Variants in CDH20 observed in about 807,000 individuals in gnomAD.
The protein encoded by CDH20 is cadherin 20, also known as cadherin-20.
Under a neutral mutation model 74.2 loss-of-function variants are expected in CDH20, and 29 were observed. That is an observed-to-expected ratio of 0.39 (90% CI 0.29 to 0.53). The LOEUF (loss-of-function observed/expected upper bound fraction) is 0.53, where lower values mean the gene tolerates loss of function less well. Ranked by LOEUF, CDH20 falls within the 20% of genes least tolerant of loss-of-function variation. CDH20 has a pLI of 0.69. For missense variants in CDH20, 988 were observed against 1,048.3 expected, an observed-to-expected ratio of 0.94 and a Z score of 0.79; for synonymous variants, 469 against 405.4, an observed-to-expected ratio of 1.16 and a Z score of -1.88.
intron 7 of CDH20, among the ~76,000 whole-genome samples, chr18:61,532,924 G>T (rs1912696473): frequency 6.6e-6 from 1 of 152,216 alleles, no homozygotes; most frequent in East Asian, 1.9e-4. Flanking sequence ...AAACACAGTA[G>T]TTATAACTCC....
At position 61,538,606 on chromosome 18, in the gene CDH20, TTG is replaced by T. The variant is rs1491081782; in HGVS notation, c.1409-416_1409-415del. Among the ~76,000 whole-genome samples, 129 of 44,390 alleles carry T rather than the reference TTG, an allele frequency of 2.9e-3. 7 individuals carry two copies. Among genetic ancestry groups the T allele is most frequent in the South Asian group, 6.4e-3 (5 of 780 alleles). The allele number at this position is 44,390 out of a possible 152,430, so 29.1% of individuals were successfully genotyped here. ...TTTGTTTGTTTGTTTGTTTTTGTTT[TTG>T]TTTTTGTTTTTGTTTTGTTTTTTTT... On this transcript the variant is annotated intron_variant, in intron 8 of 11. Transcript: ENST00000262717.
At chr18:61,411,776 A>T (rs923496131) in intron 1 of CDH20, among the ~76,000 whole-genome samples, 3 of 152,094 alleles carry the variant, frequency 2.0e-5, no homozygotes, top group African/African-American at 7.2e-5. Flanking sequence ...ACCAAATATC[A>T]TATGTGGGAA....
intron 10 of CDH20, among the ~76,000 whole-genome samples, chr18:61,547,289 C>T (rs951519851): frequency 2.0e-5 from 3 of 152,122 alleles, no homozygotes; most frequent in Non-Finnish European, 4.4e-5. Flanking sequence ...GATCAGACCA[C>T]TGTACTCCAG....
At chr18:61,412,422 C>T (rs1912544310) in intron 1 of CDH20, among the ~76,000 whole-genome samples, 1 of 152,066 alleles carries the variant, frequency 6.6e-6, no homozygotes, top group East Asian at 1.9e-4. Context: ...TGGAAATATT[C>T]ATCAAAATTA....
intron 7 of CDH20, 124 bp from the exon 8 acceptor site, chr18:61,536,369 C>G (rs1733724240): frequency 2.9e-6 from 2 of 688,554 alleles, no homozygotes; most frequent in Non-Finnish European, 4.8e-6. Context: ...TGCAGTCTTC[C>G]AGTAGCCATA....
chr18:61,356,445 C>A (rs181292653), intron 1 of CDH20, among the ~76,000 whole-genome samples: 23 of 152,166 alleles, frequency 1.5e-4, no homozygotes, highest in Middle Eastern at 3.4e-3. Flanking sequence ...AATCTTACAC[C>A]TTTAATAATA....
At chr18:61,444,091 T>C (rs1292912267) in intron 1 of CDH20, among the ~76,000 whole-genome samples, 2 of 152,278 alleles carry the variant, frequency 1.3e-5, no homozygotes, top group South Asian at 2.1e-4. Flanking sequence ...TCAAGGTATA[T>C]TGCATGTCTT....
chr18:61,334,013 A>T (rs1211299125), intron 1 of CDH20, among the ~76,000 whole-genome samples, 186 bp downstream of exon 1: 1 of 152,012 alleles, frequency 6.6e-6, no homozygotes, highest in East Asian at 1.9e-4. Flanking sequence ...CCTCGGACTT[A>T]GTGGGAGAAG....
chr18:61,511,736 A>G (rs1911790585), intron 6 of CDH20, among the ~76,000 whole-genome samples: 1 of 152,220 alleles, frequency 6.6e-6, no homozygotes, highest in Non-Finnish European at 1.5e-5. Flanking sequence ...TGTTTTCTTC[A>G]GCTCCCTTAC....
chr18:61,469,853 G>A (rs1239874150), intron 1 of CDH20, among the ~76,000 whole-genome samples: 1 of 152,132 alleles, frequency 6.6e-6, no homozygotes, highest in Non-Finnish European at 1.5e-5. Context: ...CCGAACACGG[G>A]GAGAGGGATG....
intron 1 of CDH20, among the ~76,000 whole-genome samples, chr18:61,342,651 A>G (rs534966283): frequency 8.5e-5 from 13 of 152,238 alleles, no homozygotes; most frequent in Non-Finnish European, 1.8e-4. Context: ...ATGTCTCCAG[A>G]CATTGCCAAA....
At chr18:61,343,055 T>C (rs149361225) in intron 1 of CDH20, among the ~76,000 whole-genome samples, 1,856 of 152,262 alleles carry the variant, frequency 0.012, 44 homozygotes, top group African/African-American at 0.043. Flanking sequence ...TAATAGATGG[T>C]CTATTAGACT....
At chr18:61,524,022 G>T (rs1262495234) in intron 6 of CDH20, among the ~76,000 whole-genome samples, 2 of 151,928 alleles carry the variant, frequency 1.3e-5, no homozygotes, top group African/African-American at 4.8e-5. Flanking sequence ...TAACAAACCT[G>T]CACGTTCTGC....
intron 7 of CDH20, among the ~76,000 whole-genome samples, chr18:61,532,375 C>CTGAT (rs999761250): frequency 1.1e-3 from 161 of 152,206 alleles, no homozygotes; most frequent in African/African-American, 3.8e-3. Context: ...TTAAATGATT[C>CTGAT]TGATTTCTCT....
chr18:61,536,572 C>T lies in CDH20; in HGVS notation c.1351C>T (p.Pro451Ser). 2 of 1,613,694 alleles carry T rather than the reference C, an allele frequency of 1.2e-6. No homozygotes were observed. Among genetic ancestry groups the T allele is most frequent in the South Asian group, 2.2e-5 (2 of 91,068 alleles). The stretch of plus-strand genomic sequence containing the variant: ...AACAGGTGCCCTAATGACAGCAAGA[C>T]CCCTAGACCGGGAAGAATTTTCTTG... ...ITTGALMTARPLDREEFSWHN... is the reference protein window; with the variant it reads ...ITTGALMTARSLDREEFSWHN... The change falls in exon 8 of 12, where the codon CCC becomes TCC. Residue 451 changes from proline (P) to serine (S), a missense_variant. Pro to Ser is a moderately conservative substitution (Grantham distance 74, BLOSUM62 -1). This residue lies in a region of CDH20 where 613 missense variants were observed against 755.2 expected (regional missense o/e 0.81). Transcript: ENST00000262717.
chr18:61,386,183 C>T (rs575870402), intron 1 of CDH20, among the ~76,000 whole-genome samples: 18 of 152,252 alleles, frequency 1.2e-4, no homozygotes, highest in Admixed American at 1.1e-3. Flanking sequence ...ACTTCCTATC[C>T]TTTGCTATGG....
At chr18:61,437,718 T>C (rs62098094) in intron 1 of CDH20, among the ~76,000 whole-genome samples, 11,480 of 152,222 alleles carry the variant, frequency 0.075, 550 homozygotes, top group South Asian at 0.11. Context: ...GTTACTTTAC[T>C]TCTCTGGACA....
chr18:61,375,643 A>G (rs1028267139), intron 1 of CDH20, among the ~76,000 whole-genome samples: 5 of 151,190 alleles, frequency 3.3e-5, no homozygotes, highest in African/African-American at 1.2e-4. Flanking sequence ...CATCTAGTCA[A>G]CTCCTTCTTC....
chr18:61,528,273 T>C, intron 7 of CDH20, 53 bp downstream of exon 7: 1 of 1,565,908 alleles, frequency 6.4e-7, no homozygotes, highest in Admixed American at 1.7e-5. Flanking sequence ...TCCCTTCCCT[T>C]GTATGTAATT....
Sources: gnomAD v4.1 joint callset for allele counts (sites outside exome capture counted in the v4.1 genomes callset) on GRCh38, gnomAD v4.1.1 for gene constraint, gnomAD v4.1.1 regional missense constraint, MANE v1.5 for transcripts, NCBI Gene and HGNC (gene_info 2026-07-23, HGNC 2026-07-21) for gene names.